Variants in AFG2A observed in about 807,000 individuals in gnomAD.
The protein encoded by AFG2A is AAA ATPase AFG2A, also known as ATPase family gene 2 protein homolog A.
chr4:123,225,407 C>T, the AFG2A span, among the ~76,000 whole-genome samples: 1 of 152,118 alleles, frequency 6.6e-6, no homozygotes. Flanking sequence ...AGGAAGGGAT[C>T]CAGTTTCAGC....
At chr4:123,101,305 A>G in the AFG2A span, among the ~76,000 whole-genome samples, 1 of 151,918 alleles carries the variant, frequency 6.6e-6, no homozygotes, top group Non-Finnish European at 1.5e-5. Flanking sequence ...AGAACAGATG[A>G]AAGTAAAATT....
chr4:123,298,108 C>CACAT, the AFG2A span, among the ~76,000 whole-genome samples: 2 of 72,578 alleles, frequency 2.8e-5, no homozygotes, highest in Non-Finnish European at 7.8e-5. Context: ...TGCGTGCATA[C>CACAT]ACATACACAC....
chr4:123,028,827 C>T, the AFG2A span, among the ~76,000 whole-genome samples: 3 of 152,094 alleles, frequency 2.0e-5, no homozygotes, highest in Admixed American at 2.0e-4. Flanking sequence ...AATACTTTTC[C>T]ATTCAGAAAG....
chr4:123,292,577 G>A, the AFG2A span, among the ~76,000 whole-genome samples: 9 of 152,122 alleles, frequency 5.9e-5, no homozygotes, highest in Middle Eastern at 3.4e-3. Flanking sequence ...TAATGTTTGC[G>A]GTATAGTCAC....
chr4:123,308,728 A>G, the AFG2A span, among the ~76,000 whole-genome samples: 1 of 152,222 alleles, frequency 6.6e-6, no homozygotes, highest in East Asian at 1.9e-4. Context: ...ATAAGTAACT[A>G]AAAATACTAT....
the AFG2A span, among the ~76,000 whole-genome samples, chr4:123,258,907 C>G: frequency 7.7e-6 from 1 of 130,350 alleles, no homozygotes; most frequent in South Asian, 2.5e-4. Flanking sequence ...GCCCTTGTAT[C>G]CCAGGCTGGA....
the AFG2A span, among the ~76,000 whole-genome samples, chr4:123,209,586 A>ATTTTTTTTTTTTTTTTTTTT: frequency 8.6e-6 from 1 of 116,296 alleles, no homozygotes; most frequent in Non-Finnish European, 1.7e-5. Context: ...TGCATCAAGA[A>ATTTTTTTTTTTTTTTTTTTT]TTTTTTTTTT....
At chr4:123,191,382 A>G in the AFG2A span, among the ~76,000 whole-genome samples, 1 of 149,018 alleles carries the variant, frequency 6.7e-6, no homozygotes, top group South Asian at 2.1e-4. Flanking sequence ...TTTGGCAACT[A>G]CCTAGACGCA....
the AFG2A span, among the ~76,000 whole-genome samples, chr4:122,999,620 G>A: frequency 1.1e-4 from 17 of 151,640 alleles, no homozygotes; most frequent in Non-Finnish European, 2.2e-4. Flanking sequence ...GATAGTTGTA[G>A]ATAGGTGGCA....
chr4:123,186,703 T>C, the AFG2A span, among the ~76,000 whole-genome samples: 3 of 152,102 alleles, frequency 2.0e-5, no homozygotes, highest in South Asian at 6.2e-4. Flanking sequence ...AAGGAAAAAA[T>C]AAAAACTGTA....
chr4:123,017,650 C>T, the AFG2A span, among the ~76,000 whole-genome samples: 1 of 151,840 alleles, frequency 6.6e-6, no homozygotes. Context: ...ATTTGGTACA[C>T]TTATGATTTC....
chr4:123,195,253 C>T, the AFG2A span, among the ~76,000 whole-genome samples: 4 of 152,278 alleles, frequency 2.6e-5, no homozygotes, highest in East Asian at 1.9e-4. Flanking sequence ...ATACTATCCA[C>T]GCTATCCAAG....
At chr4:123,031,445 AC>A in the AFG2A span, among the ~76,000 whole-genome samples, 3 of 152,286 alleles carry the variant, frequency 2.0e-5, no homozygotes, top group African/African-American at 7.2e-5. Context: ...GAGTCACTGC[AC>A]CTGGTCCTGT....
At chr4:123,095,382 A>G in the AFG2A span, among the ~76,000 whole-genome samples, 1 of 152,062 alleles carries the variant, frequency 6.6e-6, no homozygotes, top group African/African-American at 2.4e-5. Flanking sequence ...AAGTTTGTGA[A>G]ATACAAGAGA....
At chr4:123,153,455 A>AT in the AFG2A span, among the ~76,000 whole-genome samples, 8 of 151,980 alleles carry the variant, frequency 5.3e-5, no homozygotes, top group Non-Finnish European at 1.0e-4. Context: ...TTTTGTACCC[A>AT]TTTTTTTTCT....
chr4:123,107,155 C>T, the AFG2A span, among the ~76,000 whole-genome samples: 1 of 152,198 alleles, frequency 6.6e-6, no homozygotes, highest in Non-Finnish European at 1.5e-5. Flanking sequence ...GGTCTGGGCT[C>T]CCCAGAGGGC....
the AFG2A span, among the ~76,000 whole-genome samples, chr4:123,018,914 T>C: frequency 4.0e-3 from 610 of 152,168 alleles, 2 homozygotes; most frequent in African/African-American, 0.014. Context: ...GAAAGAGTTA[T>C]CATTTTTTTG....
chr4:123,159,929 G>C, the AFG2A span, among the ~76,000 whole-genome samples: 9 of 152,112 alleles, frequency 5.9e-5, no homozygotes, highest in Non-Finnish European at 1.3e-4. Context: ...GCAACAGTGG[G>C]CCTCTGAAAA....
At chr4:122,999,852 T>C in the AFG2A span, among the ~76,000 whole-genome samples, 3 of 151,920 alleles carry the variant, frequency 2.0e-5, no homozygotes, top group East Asian at 3.9e-4. Context: ...AAGAAAGTCA[T>C]TGGTAGCTTG....
Sources: allele counts gnomAD v4.1 joint callset (sites outside exome capture counted in the v4.1 genomes callset), GRCh38; gene constraint gnomAD v4.1.1; transcripts MANE v1.5; gene names NCBI Gene and HGNC (gene_info 2026-07-23, HGNC 2026-07-21).